The following MYO6 variants were observed in gnomAD, a reference collection of about 807,000 sequenced individuals.
The protein encoded by MYO6 is unconventional myosin-VI.
A neutral mutation model predicts 178.7 loss-of-function variants in MYO6; 74 were observed. That is an observed-to-expected ratio of 0.41 (90% CI 0.34 to 0.50). MYO6 has a LOEUF of 0.50. Ranked by LOEUF, MYO6 falls within the 20% of genes least tolerant of loss-of-function variation. The probability of loss-of-function intolerance (pLI) is 0.09; values close to 1 mark genes in which losing one functional copy is unlikely to be tolerated. For missense variants in MYO6, 1,330 were observed against 1,547.4 expected, an observed-to-expected ratio of 0.86 and a Z score of 2.36; for synonymous variants, 477 against 504.6, an observed-to-expected ratio of 0.95 and a Z score of 0.73.
chr6:75,848,528 T>G lies in MYO6; in HGVS notation c.1075T>G (p.Ser359Ala). 1 of 1,612,114 alleles carries G rather than the reference T, an allele frequency of 6.2e-7. No homozygotes were observed. Among genetic ancestry groups the G allele is most frequent in the Non-Finnish European group, 8.5e-7 (1 of 1,179,464 alleles). The change falls in exon 11 of 35, where the codon TCA (serine) becomes GCA (alanine). Residue 359 changes from serine to alanine, a missense_variant. Ser to Ala is a moderately conservative substitution (Grantham distance 99, BLOSUM62 1). Transcript: ENST00000369977. The stretch of plus-strand genomic sequence containing the variant: ...TGATTTTGAGGAAGCTGGCAGCACT[T>G]CAGGTTTGCTTTTTATTTTTTTAAG... The part of the protein sequence containing the change: ...NIDFEEAGST[S>A]GGCNLKNKSA...
At position 75,848,579 on chromosome 6, in the gene MYO6, G is replaced by T. The variant is rs1562243831; in HGVS notation, c.1078+48G>T. 10 of 1,571,746 alleles carry T rather than the reference G, an allele frequency of 6.4e-6. No individual in the cohort carries two copies. The South Asian group carries it at 1.0e-4, about 16-fold the overall frequency. ...AGGAAAAAAATTAAATAGAATTTCT[G>T]TTATTTATTTGTCATATGAAAATTG... On this transcript the variant is annotated intron_variant, in intron 11 of 34. Coordinates refer to ENST00000369977, the MANE Select transcript of MYO6 (RefSeq NM_004999.4).
chr6:75,754,001 C>T (rs972627124), intron 1 of MYO6, among the ~76,000 whole-genome samples: 1 of 152,060 alleles, frequency 6.6e-6, no homozygotes, highest in Non-Finnish European at 1.5e-5. Flanking sequence ...AAAGTAAAAC[C>T]TAAAGAAGAA....
intron 7 of MYO6, among the ~76,000 whole-genome samples, chr6:75,839,096 G>C (rs1444311773): frequency 6.6e-6 from 1 of 152,104 alleles, no homozygotes; most frequent in Non-Finnish European, 1.5e-5. Context: ...TTAGAGACTA[G>C]TTAAGCATTC....
intron 11 of MYO6, among the ~76,000 whole-genome samples, chr6:75,854,523 G>A (rs556609987): frequency 3.9e-4 from 59 of 151,998 alleles, no homozygotes; most frequent in Non-Finnish European, 7.1e-4. Context: ...AGCTCATCAT[G>A]TATATGCAGT....
At chr6:75,775,033 A>T (rs560372992) in intron 1 of MYO6, among the ~76,000 whole-genome samples, 1 of 152,116 alleles carries the variant, frequency 6.6e-6, no homozygotes, top group East Asian at 1.9e-4. Context: ...ACCTCAGGTG[A>T]TCTGCCCGCC....
intron 1 of MYO6, among the ~76,000 whole-genome samples, chr6:75,784,925 T>TG (rs1388550706): frequency 6.6e-6 from 1 of 151,988 alleles, no homozygotes; most frequent in East Asian, 1.9e-4. Flanking sequence ...TTGGAATTGG[T>TG]GGGGGGCAGT....
intron 25 of MYO6, 124 bp from the exon 26 acceptor site, chr6:75,889,933 T>A: frequency 5.4e-4 from 403 of 742,182 alleles, no homozygotes; most frequent in Middle Eastern, 8.2e-4. Context: ...TAAAAAACAA[T>A]AAAAACATTA....
intron 3 of MYO6, among the ~76,000 whole-genome samples, chr6:75,823,337 A>G (rs893087153): frequency 2.6e-5 from 4 of 152,250 alleles, no homozygotes; most frequent in African/African-American, 7.2e-5. Context: ...AATTTGACTT[A>G]TAACATCTTT....
Position 75,879,903 on chromosome 6 carries a change from T to A in MYO6, c.2161T>A (p.Tyr721Asn). ...TGAACTCTACAACATGTACAAAAAG[T>A]ATATGCCAGATAAACTTGCAAGATT... ...FHELYNMYKKYMPDKLARLDP... is the reference protein window; with the variant it reads ...FHELYNMYKKNMPDKLARLDP... The change falls in exon 21 of 35, where the codon TAT becomes AAT. Residue 721 changes from tyrosine (Y) to asparagine (N), a missense_variant. Around this residue, in one of 3 missense-constraint regions of MYO6, gnomAD observed 613 missense variants for 816.8 expected, o/e 0.75. Coordinates refer to ENST00000369977, the MANE Select transcript of MYO6 (RefSeq NM_004999.4). 6.2e-7 allele frequency: 1 copy of A among 1,614,202 alleles called. No homozygotes were observed. Among genetic ancestry groups the A allele is most frequent in the African/African-American group, 1.3e-5 (1 of 75,064 alleles).
At chr6:75,855,118 A>G in intron 11 of MYO6, 21 bp from the exon 12 acceptor site, 4 of 1,563,818 alleles carry the variant, frequency 2.6e-6, no homozygotes, top group African/African-American at 1.4e-5. Flanking sequence ...ATTAATTTCA[A>G]TGAAAATATA....
Position 75,867,062 on chromosome 6 carries a change from AAGC to A in MYO6, c.1904_1906del (p.Ala635del). The stretch of plus-strand genomic sequence containing the variant: ...AATAACAACAAAGATACTAAACAAA[AAGC>A]AGGAAAACTTAGCTTCATCAGCGTG... On this transcript the variant is annotated inframe_deletion, in exon 18 of 35. Transcript: ENST00000369977. 1 of 1,613,952 alleles carries A rather than the reference AAGC, an allele frequency of 6.2e-7. No individual in the cohort carries two copies. Among genetic ancestry groups the A allele is most frequent in the Non-Finnish European group, 8.5e-7 (1 of 1,179,910 alleles).
At chr6:75,793,882 T>C (rs1008218502) in intron 1 of MYO6, among the ~76,000 whole-genome samples, 1 of 152,236 alleles carries the variant, frequency 6.6e-6, no homozygotes, top group Non-Finnish European at 1.5e-5. Flanking sequence ...CCAGTTACTC[T>C]AGAATGAAGT....
intron 3 of MYO6, 43 bp from the exon 4 acceptor site, chr6:75,828,497 G>A: frequency 8.6e-7 from 1 of 1,158,360 alleles, no homozygotes; most frequent in Non-Finnish European, 1.3e-6. Context: ...TATTTTATTT[G>A]TTTTCTTCAA....
Position 75,918,116 on chromosome 6 carries a change from C to T in MYO6, c.*3104C>T, listed in dbSNP as rs1365486126. ...AACCAAAACAAACACTTTTTAGTGG[C>T]ACCTGTGGATTTACAAAGGGTTGCC... On this transcript the variant is annotated 3_prime_UTR_variant, in exon 35 of 35. Transcript: ENST00000369977. 1 of 152,188 alleles carries T rather than the reference C, an allele frequency of 6.6e-6. No homozygotes were observed. The highest frequency in any genetic ancestry group is 1.5e-5 in the Non-Finnish European group (1 of 68,038). 9.4% of individuals were successfully genotyped at this position (152,188 alleles called of 1,614,324 possible). A position where few individuals can be genotyped will look rare whatever the true frequency, so the allele number is the denominator to read the frequency against.
intron 1 of MYO6, among the ~76,000 whole-genome samples, chr6:75,755,788 A>G (rs768590657): frequency 1.4e-4 from 21 of 152,208 alleles, no homozygotes; most frequent in Non-Finnish European, 2.8e-4. Context: ...TCTAAGTTCT[A>G]GGGATACAGT....
chr6:75,820,140 C>T (rs1006603844), intron 2 of MYO6, among the ~76,000 whole-genome samples: 2 of 152,200 alleles, frequency 1.3e-5, no homozygotes, highest in Admixed American at 1.3e-4. Flanking sequence ...TAGGCTGAAG[C>T]CCTAAATTTA....
At chr6:75,790,424 C>T (rs545750059) in intron 1 of MYO6, among the ~76,000 whole-genome samples, 1 of 150,370 alleles carries the variant, frequency 6.7e-6, no homozygotes, top group African/African-American at 2.4e-5. Flanking sequence ...GTCACCCAGG[C>T]TGGAGTGCAG....
At chr6:75,841,887 A>C (rs1477876371) in intron 9 of MYO6, among the ~76,000 whole-genome samples, 1 of 152,174 alleles carries the variant, frequency 6.6e-6, no homozygotes, top group South Asian at 2.1e-4. Context: ...ATAACACTGT[A>C]TGAGGAGGCA....
chr6:75,859,570 G>A (rs1018347279), intron 14 of MYO6, among the ~76,000 whole-genome samples: 2 of 151,788 alleles, frequency 1.3e-5, no homozygotes, highest in African/African-American at 4.8e-5. Context: ...AAAGTTCTGG[G>A]CTTACAGGCG....
Sources: gnomAD v4.1 joint callset for allele counts (sites outside exome capture counted in the v4.1 genomes callset) on GRCh38, gnomAD v4.1.1 for gene constraint, gnomAD v4.1.1 regional missense constraint, MANE v1.5 for transcripts, NCBI Gene and HGNC (gene_info 2026-07-23, HGNC 2026-07-21) for gene names.